The following TRIM36 variants were observed in gnomAD, a reference collection of about 807,000 sequenced individuals.
TRIM36 encodes the protein tripartite motif containing 36, also known as E3 ubiquitin-protein ligase TRIM36.
In TRIM36, 42 loss-of-function variants were observed where a neutral mutation model predicts 72.4. The ratio of observed to expected loss-of-function variants is 0.58; its 90% CI spans 0.45 to 0.75. TRIM36 has a LOEUF of 0.75. Ranked by LOEUF, TRIM36 falls within the 30% of genes least tolerant of loss-of-function variation. The pLI is 0.00. For synonymous variants in TRIM36, 315 were observed against 282.8 expected, an observed-to-expected ratio of 1.11 and a Z score of -1.14; for missense variants, 913 against 857.1, an observed-to-expected ratio of 1.07 and a Z score of -0.81.
chr5:115,166,962 G>A (rs899798923), intron 1 of TRIM36, among the ~76,000 whole-genome samples: 8 of 152,240 alleles, frequency 5.3e-5, no homozygotes, highest in South Asian at 2.1e-4. Flanking sequence ...TGTACCCCGC[G>A]CTCGCTCACT....
rs775441121 is a variant in TRIM36, at chr5:115,144,636, G to T, written c.697C>A (p.Arg233Ser). ...TAGGCACTGCTCATAGTGGTTACACGGTGGTTGGCATGATTACCACCCAAC... is the reference window on the plus strand; with the variant it reads ...TAGGCACTGCTCATAGTGGTTACACTGTGGTTGGCATGATTACCACCCAAC... ...CKLGGNHANHRVTTMSSAYKT... is the reference protein window; with the variant it reads ...CKLGGNHANHSVTTMSSAYKT... Residue 233 changes from arginine to serine, a missense_variant, in exon 4 of 10, where the codon CGT becomes AGT. Transcript: ENST00000513154. 6.2e-7 allele frequency: 1 copy of T among 1,614,078 alleles called. No individual in the cohort carries two copies. Among genetic ancestry groups the T allele is most frequent in the South Asian group, 1.1e-5 (1 of 91,068 alleles).
At chr5:115,132,807 C>T (rs1014748263) in intron 8 of TRIM36, among the ~76,000 whole-genome samples, 4 of 152,122 alleles carry the variant, frequency 2.6e-5, no homozygotes, top group Non-Finnish European at 5.9e-5. Context: ...GCAGTTATGT[C>T]CAGGTTTTTC....
At chr5:115,163,784 C>G in intron 1 of TRIM36, 32 bp from the exon 2 acceptor site, 1 of 1,543,082 alleles carries the variant, frequency 6.5e-7, no homozygotes, top group Non-Finnish European at 8.9e-7. Flanking sequence ...GTTAAAGGCT[C>G]TTAGTGGGTA....
chr5:115,169,583 G>C, intron 1 of TRIM36, 25 bp downstream of exon 1: 1 of 1,507,730 alleles, frequency 6.6e-7, no homozygotes, highest in African/African-American at 1.4e-5. Context: ...CTCGAGGTGG[G>C]GGCGGCGGTC....
At chr5:115,156,655 C>T (rs980093492) in intron 2 of TRIM36, among the ~76,000 whole-genome samples, 4 of 152,268 alleles carry the variant, frequency 2.6e-5, no homozygotes, top group Non-Finnish European at 4.4e-5. Context: ...TCACCTTATA[C>T]AAAAATCAAC....
chr5:115,170,212 G>T (rs912967637), upstream of TRIM36, among the ~76,000 whole-genome samples: 1 of 152,106 alleles, frequency 6.6e-6, no homozygotes, highest in Non-Finnish European at 1.5e-5. Flanking sequence ...CGGAAGTGAG[G>T]GCAGCGGGGA....
rs1371887015 is a variant in TRIM36, at chr5:115,137,035, G to C, written c.1175C>G (p.Thr392Arg). The change falls in exon 7 of 10, where the codon ACA becomes AGA. Residue 392 changes from threonine to arginine, a missense_variant. Physicochemically the swap from Thr to Arg is moderately conservative, Grantham distance 71. Coordinates refer to ENST00000513154, the MANE Select transcript of TRIM36 (RefSeq NM_001300759.2). ...EDYVVNTSKQ[T>R]ELLGELSFFS... is the part of the protein sequence containing the mutation. ...AAAGGATAATTCTCCAAGAAGTTCTGTTTGTTTAGAGGTATTAACAACATA... is the reference window on the plus strand; with the variant it reads ...AAAGGATAATTCTCCAAGAAGTTCTCTTTGTTTAGAGGTATTAACAACATA... The C allele has an allele frequency of 6.2e-7, 1 of 1,605,902 alleles. No individual in the cohort carries two copies. Among genetic ancestry groups the C allele is most frequent in the South Asian group, 1.1e-5 (1 of 88,780 alleles).
At chr5:115,149,883 C>T (rs533455015) in intron 2 of TRIM36, among the ~76,000 whole-genome samples, 6 of 151,960 alleles carry the variant, frequency 3.9e-5, no homozygotes, top group African/African-American at 9.7e-5. Flanking sequence ...CTCAGCCTCC[C>T]GAGTAGCTGG....
At chr5:115,145,858 CAA>C (rs1753563441) in intron 3 of TRIM36, among the ~76,000 whole-genome samples, 1 of 152,142 alleles carries the variant, frequency 6.6e-6, no homozygotes, top group Non-Finnish European at 1.5e-5. Context: ...AAATAAAATA[CAA>C]AGTTTGTCCA....
At chr5:115,152,663 A>G (rs1753957198) in intron 2 of TRIM36, among the ~76,000 whole-genome samples, 1 of 152,156 alleles carries the variant, frequency 6.6e-6, no homozygotes, top group South Asian at 2.1e-4. Flanking sequence ...TTAACAGCAG[A>G]TTTCTCAGCA....
intron 5 of TRIM36, among the ~76,000 whole-genome samples, chr5:115,140,864 T>C (rs950792379): frequency 7.9e-5 from 12 of 152,152 alleles, no homozygotes; most frequent in African/African-American, 2.9e-4. Flanking sequence ...ATATATAGGG[T>C]ATACACTCAG....
At chr5:115,130,352 T>A (rs946940571) in intron 9 of TRIM36, among the ~76,000 whole-genome samples, 2 of 152,234 alleles carry the variant, frequency 1.3e-5, no homozygotes, top group African/African-American at 2.4e-5. Context: ...ACTGTGAAGC[T>A]ATATCACAAT....
rs1754999013 is a variant in TRIM36 at position 115,169,810 on chromosome 5, G to A, written c.-176C>T. 2.3e-6 allele frequency: 3 copies of A among 1,317,508 alleles called. No homozygotes were observed. Among genetic ancestry groups the A allele is most frequent in the African/African-American group, 1.5e-5 (1 of 65,934 alleles). 81.6% of individuals were successfully genotyped at this position (1,317,508 alleles called of 1,614,324 possible). ...ACGCGGGGAGAAGTAAGCCGGGGCA[G>A]GCAAAAGCACAGGCGCGGGAGAAGC... is the stretch of plus-strand genomic sequence containing the variant. On this transcript the variant is annotated 5_prime_UTR_variant, in exon 1 of 10. Transcript: ENST00000513154.
chr5:115,134,476 C>G (rs1580645390), intron 7 of TRIM36, among the ~76,000 whole-genome samples: 1 of 151,960 alleles, frequency 6.6e-6, no homozygotes, highest in African/African-American at 2.4e-5. Flanking sequence ...TACCTATGTC[C>G]TCCCCTAAAC....
chr5:115,161,959 C>T (rs1754507661), intron 2 of TRIM36, among the ~76,000 whole-genome samples: 1 of 152,198 alleles, frequency 6.6e-6, no homozygotes, highest in Non-Finnish European at 1.5e-5. Context: ...TGGCAGAAGT[C>T]TGATATACTT....
At chr5:115,155,637 G>C (rs1422126041) in intron 2 of TRIM36, among the ~76,000 whole-genome samples, 1 of 152,110 alleles carries the variant, frequency 6.6e-6, no homozygotes, top group African/African-American at 2.4e-5. Flanking sequence ...AAAACTCTCA[G>C]CAAAATCAGC....
At chr5:115,169,504 C>T (rs1330970110) in intron 1 of TRIM36, 104 bp downstream of exon 1, 5 of 1,297,820 alleles carry the variant, frequency 3.9e-6, no homozygotes, top group African/African-American at 1.5e-5. Context: ...TGCCTTTGCT[C>T]TCCCGGGAGG....
At chr5:115,150,825 T>C (rs1382022148) in intron 2 of TRIM36, among the ~76,000 whole-genome samples, 1 of 151,894 alleles carries the variant, frequency 6.6e-6, no homozygotes, top group Non-Finnish European at 1.5e-5. Context: ...TGGAGCTGAG[T>C]CAATTTAGAG....
upstream of TRIM36, among the ~76,000 whole-genome samples, chr5:115,170,803 G>A (rs1171742067): frequency 2.6e-5 from 4 of 152,148 alleles, no homozygotes; most frequent in African/African-American, 4.8e-5. Context: ...CCTTCCTGAG[G>A]GCCAGGACAG....
Sources: allele counts gnomAD v4.1 joint callset (sites outside exome capture counted in the v4.1 genomes callset), GRCh38; gene constraint gnomAD v4.1.1; transcripts MANE v1.5; gene names NCBI Gene and HGNC (gene_info 2026-07-23, HGNC 2026-07-21).